The following PIGN variants were observed in gnomAD, a reference collection of about 807,000 sequenced individuals.
The protein encoded by PIGN is phosphatidylinositol glycan anchor biosynthesis class N.
A neutral mutation model predicts 125.4 loss-of-function variants in PIGN; 117 were observed. That is an observed-to-expected ratio of 0.93 (90% CI 0.80 to 1.09). PIGN has a LOEUF of 1.09. PIGN is among the 50% of genes least tolerant of loss of function. The probability of loss-of-function intolerance (pLI) is 0.00; values close to 1 mark genes in which losing one functional copy is unlikely to be tolerated. For synonymous variants in PIGN, 392 were observed against 377.8 expected, an observed-to-expected ratio of 1.04 and a Z score of -0.44; for missense variants, 1,075 against 1,094.9, an observed-to-expected ratio of 0.98 and a Z score of 0.26.
At chr18:62,097,227 G>C (rs1451263738) in intron 22 of PIGN, among the ~76,000 whole-genome samples, 2 of 131,264 alleles carry the variant, frequency 1.5e-5, no homozygotes, top group African/African-American at 5.8e-5. Context: ...AAATTTACAA[G>C]AAAAAAACAA....
intron 10 of PIGN, 87 bp from the exon 11 acceptor site, chr18:62,143,433 G>T: frequency 2.6e-6 from 2 of 764,722 alleles, no homozygotes; most frequent in South Asian, 1.6e-5. Flanking sequence ...CAATACTTAT[G>T]GAAAACATAG....
chr18:62,029,871 G>A (rs997666865), intron 23 of PIGN, among the ~76,000 whole-genome samples: 10 of 152,288 alleles, frequency 6.6e-5, no homozygotes, highest in East Asian at 3.9e-4. Flanking sequence ...CTTTGTTCCC[G>A]TATTAGTAGC....
At chr18:62,118,477 T>C (rs941885050) in intron 14 of PIGN, 1 of 152,104 alleles carries the variant, frequency 6.6e-6, no homozygotes, top group Non-Finnish European at 1.5e-5. Context: ...TCCAAAATTC[T>C]ACAAACTGTA....
chr18:62,041,081 T>C (rs913043356), downstream of PIGN: 12 of 152,350 alleles, frequency 7.9e-5, no homozygotes, highest in South Asian at 2.1e-4. Flanking sequence ...ATGTTTTCTT[T>C]TCATAGTTTT....
intron 14 of PIGN, chr18:62,137,777 T>C (rs2035988620): frequency 1.3e-5 from 2 of 154,504 alleles, no homozygotes; most frequent in Non-Finnish European, 2.9e-5. Context: ...ACAAGCAACA[T>C]ACATCTTCTG....
At chr18:62,092,714 A>G (rs1465341534) in intron 23 of PIGN, among the ~76,000 whole-genome samples, 2 of 152,062 alleles carry the variant, frequency 1.3e-5, no homozygotes, top group Non-Finnish European at 2.9e-5. Context: ...CATTAACAAG[A>G]GTAGAGTTAA....
At chr18:62,071,737 A>G (rs1237607747) in intron 30 of PIGN, among the ~76,000 whole-genome samples, 1 of 151,722 alleles carries the variant, frequency 6.6e-6, no homozygotes, top group African/African-American at 2.4e-5. Flanking sequence ...TGCCAGTCCT[A>G]TAAAAGTCTG....
rs374854072 is a variant in PIGN, at chr18:62,100,161, G to A, written c.2077+914C>T. On this transcript the variant is annotated intron_variant, in intron 22 of 30. Transcript: ENST00000640252. ...CAACTAAAAAATGGGCAAATGATCT[G>A]AGTAGACATTTCTCAAAAGAAGACA... is the stretch of plus-strand genomic sequence containing the variant. Among the ~76,000 whole-genome samples the A allele has an allele frequency of 3.9e-5, 6 of 152,268 alleles. No homozygotes were observed. In the East Asian group the frequency reaches 1.2e-3, roughly 29 times the overall value.
intron 1 of PIGN, among the ~76,000 whole-genome samples, chr18:62,171,289 T>C (rs1157093380): frequency 6.6e-6 from 1 of 152,218 alleles, no homozygotes; most frequent in Non-Finnish European, 1.5e-5. Context: ...AATTTCTCCT[T>C]GTTAATTCTT....
chr18:62,104,476 T>G (rs72941808), intron 20 of PIGN, among the ~76,000 whole-genome samples: 200 of 152,330 alleles, frequency 1.3e-3, no homozygotes, highest in Non-Finnish European at 2.3e-3. Context: ...TTTTGTCATA[T>G]ACTATTTATA....
chr18:62,067,106 T>TTCATTCCTTCTTATTCACTC (rs2032564671), intron 30 of PIGN, among the ~76,000 whole-genome samples: 1 of 152,178 alleles, frequency 6.6e-6, no homozygotes, highest in East Asian at 1.9e-4. Flanking sequence ...GCAACAATCT[T>TTCATTCCTTCTTATTCACTC]TCATTCCTTC....
intron 23 of PIGN, among the ~76,000 whole-genome samples, chr18:62,094,098 G>T (rs72939770): frequency 0.17 from 25,934 of 151,778 alleles, 2,941 homozygotes; most frequent in Middle Eastern, 0.29. Flanking sequence ...TAATTTGTTT[G>T]GGCATCTCCT....
chr18:62,123,187 C>G (rs1201912471), intron 14 of PIGN, among the ~76,000 whole-genome samples: 2 of 152,098 alleles, frequency 1.3e-5, no homozygotes, highest in Non-Finnish European at 2.9e-5. Flanking sequence ...CTCCAGTGAG[C>G]CATGACTGGG....
intron 30 of PIGN, among the ~76,000 whole-genome samples, chr18:62,064,653 C>T (rs12965130): frequency 0.23 from 35,126 of 152,092 alleles, 4,216 homozygotes; most frequent in Non-Finnish European, 0.27. Flanking sequence ...AATGAGATAA[C>T]ATAAGTACAA....
At chr18:62,086,149 G>A (rs1271692679) in intron 25 of PIGN, among the ~76,000 whole-genome samples, 1 of 152,126 alleles carries the variant, frequency 6.6e-6, no homozygotes, top group Non-Finnish European at 1.5e-5. Context: ...TACTCAAATG[G>A]TGACTAAGAT....
chr18:62,134,853 G>T (rs766612590), intron 14 of PIGN, among the ~76,000 whole-genome samples: 129 of 152,272 alleles, frequency 8.5e-4, no homozygotes, highest in Admixed American at 1.4e-3. Context: ...TGTAAAGTTT[G>T]AAATGTTTCT....
At chr18:62,141,961 T>C (rs2036152344) in intron 11 of PIGN, among the ~76,000 whole-genome samples, 1 of 152,214 alleles carries the variant, frequency 6.6e-6, no homozygotes, top group African/African-American at 2.4e-5. Context: ...CTTGGCCTGC[T>C]AATTCCTGCT....
intron 14 of PIGN, among the ~76,000 whole-genome samples, chr18:62,121,758 T>C (rs1224388452): frequency 1.1e-4 from 17 of 152,162 alleles, no homozygotes; most frequent in Admixed American, 1.1e-3. Flanking sequence ...ATTTTCTTTA[T>C]CCCTTAATCT....
intron 14 of PIGN, chr18:62,123,551 T>C (rs1429464775): frequency 2.0e-5 from 3 of 152,056 alleles, no homozygotes; most frequent in Admixed American, 6.5e-5. Flanking sequence ...CTTCCTAAAA[T>C]CAGGATGAAA....
Sources: allele counts gnomAD v4.1 joint callset (sites outside exome capture counted in the v4.1 genomes callset), GRCh38; gene constraint gnomAD v4.1.1; transcripts MANE v1.5; gene names NCBI Gene and HGNC (gene_info 2026-07-23, HGNC 2026-07-21).